Variants in MUC6 observed in about 807,000 individuals in gnomAD.
MUC6 encodes the protein mucin-6.
In MUC6, 188 loss-of-function variants were observed where a neutral mutation model predicts 201.5. That is an observed-to-expected ratio of 0.93 (90% CI 0.83 to 1.05). The LOEUF (loss-of-function observed/expected upper bound fraction) is 1.05. MUC6 is among the 50% of genes least tolerant of loss of function. The pLI is 0.00. For missense variants in MUC6, 2,706 were observed against 3,256.9 expected (o/e 0.83, Z 4.12); for synonymous variants, 1,228 against 1,389.4 (o/e 0.88, Z 2.58).
Position 1,015,826 on chromosome 11 carries a change from G to T in MUC6, c.6975C>A (p.Ala2325=), listed in dbSNP as rs558230540. ...GGGCAGAAGCAGGGGTGCTTCCATG[G>T]GCAGTGAGGGAGCTGGTCAGGAACC... ...TTRFLTSSLT[A]HGSTPASAPV... The change falls in exon 31 of 33, where the codon GCC becomes GCA. Residue 2325 remains alanine, a synonymous_variant. Coordinates refer to ENST00000421673, the MANE Select transcript of MUC6 (RefSeq NM_005961.3). 6.3e-7 allele frequency: 1 copy of T among 1,582,128 alleles called. No individual in the cohort carries two copies. Among genetic ancestry groups the T allele is most frequent in the South Asian group, 1.2e-5 (1 of 85,612 alleles).
At chr11:1,015,430 C>T (rs905230994) in intron 31 of MUC6, among the ~76,000 whole-genome samples, 7 of 152,160 alleles carry the variant, frequency 4.6e-5, no homozygotes, top group Non-Finnish European at 1.0e-4. Context: ...AAGGGGCAGC[C>T]AGGGAAGGCT....
At chr11:1,032,780 G>A (rs1421050570) in intron 2 of MUC6, among the ~76,000 whole-genome samples, 1 of 151,160 alleles carries the variant, frequency 6.6e-6, no homozygotes, top group Non-Finnish European at 1.5e-5. Context: ...GTGTGTGTGT[G>A]ACGTGTGCTC....
intron 31 of MUC6, among the ~76,000 whole-genome samples, chr11:1,015,297 A>G (rs549598764): frequency 6.6e-6 from 1 of 152,348 alleles, no homozygotes; most frequent in African/African-American, 2.4e-5. Context: ...TCCACCTTCA[A>G]CAGGTCCTTT....
chr11:1,031,790 G>T (rs774307866), intron 3 of MUC6, 23 bp downstream of exon 3: 1 of 1,568,890 alleles, frequency 6.4e-7, no homozygotes, highest in Non-Finnish European at 8.6e-7. Context: ...CCGAGCCCCC[G>T]GGCCCCGGCC....
chr11:1,020,877 C>T (rs1856791200), intron 27 of MUC6, 143 bp from the exon 28 acceptor site: 13 of 1,098,098 alleles, frequency 1.2e-5, no homozygotes, highest in Non-Finnish European at 1.6e-5. Flanking sequence ...CCCACCCTCC[C>T]CTCTCTCCCT....
Position 1,034,484 on chromosome 11 carries a change from G to A in MUC6, c.53-1409C>T, listed in dbSNP as rs570409235. ...CCAGGGATGATCCACAGGGCTCAGA[G>A]CACCTGCTGCAGGAGTGCGCAGCAC... On this transcript the variant is annotated intron_variant, in intron 1 of 32. Coordinates refer to ENST00000421673, the MANE Select transcript of MUC6 (RefSeq NM_005961.3). 1.3e-3 allele frequency among the ~76,000 whole-genome samples: 195 copies of A among 152,280 alleles called. 1 individual carries two copies. The highest frequency in any genetic ancestry group is 6.8e-3 in the Middle Eastern group (2 of 294).
rs368963628 is a variant in MUC6 at position 1,024,038 on chromosome 11, G to A, written c.3291C>T (p.Asp1097=). 1 of 1,611,036 alleles carries A rather than the reference G, an allele frequency of 6.2e-7. No homozygotes were observed. The highest frequency in any genetic ancestry group is 8.5e-7 in the Non-Finnish European group (1 of 1,179,316). The change falls in exon 25 of 33, where the codon GAC becomes GAT. Residue 1097 remains aspartate, a synonymous_variant. Transcript: ENST00000421673. The stretch of plus-strand genomic sequence containing the variant: ...CCACGGCATCGCACAGACACTCACA[G>A]TCCCCGCCACTGTCACACCCACATG... ...RDACGCDSGG[D]CECLCDAVAA...
rs2133838565 is a variant in MUC6 at position 1,033,354 on chromosome 11, G to A, written c.53-279C>T. 1.8e-6 allele frequency: 1 copy of A among 541,266 alleles called. No individual in the cohort carries two copies. Among genetic ancestry groups the A allele is most frequent in the Admixed American group, 3.1e-5 (1 of 32,234 alleles). 33.5% of individuals were successfully genotyped at this position (541,266 alleles called of 1,614,324 possible). A position where few individuals can be genotyped will look rare whatever the true frequency, so the allele number is the denominator to read the frequency against. ...TCAGCCCCTCGGGGTTCGGCAGATG[G>A]CGGGCACCCTGTGTGCAGGGTACTC... On this transcript the variant is annotated intron_variant, in intron 1 of 32. Transcript: ENST00000421673. This position sits in a 1 kb window ranked among gnomAD's most constrained non-coding sequence, Gnocchi z 5.6.
intron 1 of MUC6, among the ~76,000 whole-genome samples, chr11:1,034,985 C>T (rs936918433): frequency 1.4e-4 from 22 of 152,252 alleles, no homozygotes; most frequent in African/African-American, 5.1e-4. Flanking sequence ...ATCCCTTGGC[C>T]AGGCGCATGG....
At chr11:1,013,727 C>T in intron 32 of MUC6, 94 bp from the exon 33 acceptor site, 3 of 1,444,288 alleles carry the variant, frequency 2.1e-6, no homozygotes, top group Admixed American at 2.0e-5. Context: ...AGGCCTGGAC[C>T]TCCCCGCTGA....
intron 1 of MUC6, among the ~76,000 whole-genome samples, chr11:1,034,534 A>C (rs1590057416): frequency 1.3e-5 from 2 of 151,948 alleles, no homozygotes; most frequent in Admixed American, 6.5e-5. Flanking sequence ...CATGGAACTC[A>C]GTGGTTCCTG....
At position 1,013,616 on chromosome 11, in the gene MUC6, T is replaced by C; in HGVS notation, c.7160A>G (p.Gln2387Arg). ...ISAASFNIIT[Q>R]QVDARCSCCR... The stretch of plus-strand genomic sequence containing the variant: ...GCAGCTGCAGCGGGCATCCACCTGC[T>C]GGGTGATGATGTTGAAGCTGCCGAG... Residue 2387 changes from glutamine to arginine, a missense_variant, in exon 33 of 33, where the codon CAG (glutamine) becomes CGG (arginine). By Grantham distance (43) the Gln-to-Arg change is conservative. This residue lies in a region of MUC6 where 586 missense variants were observed against 488.0 expected (regional missense o/e 1.20). Coordinates refer to ENST00000421673, the MANE Select transcript of MUC6 (RefSeq NM_005961.3). 6.4e-7 allele frequency: 1 copy of C among 1,563,384 alleles called. No homozygotes were observed. Among genetic ancestry groups the C allele is most frequent in the Non-Finnish European group, 8.7e-7 (1 of 1,155,168 alleles).
At chr11:1,021,558 A>G (rs1229134373) in intron 26 of MUC6, among the ~76,000 whole-genome samples, 1 of 151,946 alleles carries the variant, frequency 6.6e-6, no homozygotes, top group Non-Finnish European at 1.5e-5. Flanking sequence ...TTTAGTAGTG[A>G]TGGGGCTTCG....
In MUC6 at chr11:1,016,381, A is replaced by C; in HGVS notation, c.6420T>G (p.Thr2140=). The change falls in exon 31 of 33, where the codon ACT becomes ACG. Residue 2140 remains threonine (T), a synonymous_variant. Transcript: ENST00000421673. ...SFSPSPSAPS[T]VSSYVPSSHS... ...GGGAGGAGGGCACATAAGAAGAAAC[A>C]GTAGAGGGGGCAGAAGGACTGGGAG... The C allele has an allele frequency of 1.6e-5, 26 of 1,612,894 alleles. No individual in the cohort carries two copies. Among genetic ancestry groups the C allele is most frequent in the Non-Finnish European group, 2.2e-5 (26 of 1,179,374 alleles).
In MUC6 at chr11:1,018,133, G is replaced by A. The variant is rs775560991; in HGVS notation, c.4668C>T (p.Thr1556=). 29 of 1,555,422 alleles carry A rather than the reference G, an allele frequency of 1.9e-5. No homozygotes were observed. The Admixed American group carries it at 2.5e-4, about 14-fold the overall frequency. Residue 1556 remains threonine, a synonymous_variant, in exon 31 of 33, where the codon ACC becomes ACT. Transcript: ENST00000421673. ...TGGCTGAGTTGGTGTGGGCCACAGG[G>A]GTTCTGGTGCGTGTACTAGTGGGGT... ...TPNPTSTRTR[T]PVAHTNSATS...
chr11:1,020,788 G>A, intron 27 of MUC6, 54 bp from the exon 28 acceptor site: 3 of 1,593,286 alleles, frequency 1.9e-6, no homozygotes, highest in Non-Finnish European at 2.6e-6. Flanking sequence ...CCCACCCCGT[G>A]GGGCCTCTGG....
Position 1,013,946 on chromosome 11 carries a change from C to G in MUC6, c.7095G>C (p.Ala2365=). ...CCTCACAGCGGGTTACCGTCACGTTCGCCATGCACCCCTTGAACGTGATCT... is the reference window on the plus strand; with the variant it reads ...CCTCACAGCGGGTTACCGTCACGTTGGCCATGCACCCCTTGAACGTGATCT... ...QEEITFKGCM[A]NVTVTRCEGA... is the part of the protein sequence containing the mutation. Residue 2365 remains alanine (A), a synonymous_variant, in exon 32 of 33, where the codon GCG becomes GCC. Coordinates refer to ENST00000421673, the MANE Select transcript of MUC6 (RefSeq NM_005961.3). 6.2e-7 allele frequency: 1 copy of G among 1,609,056 alleles called. No homozygotes were observed. Among genetic ancestry groups the G allele is most frequent in the Non-Finnish European group, 8.5e-7 (1 of 1,178,368 alleles).
Position 1,027,682 on chromosome 11 carries a change from C to T in MUC6, c.1981+3G>A, listed in dbSNP as rs1281866486. 3 of 1,596,554 alleles carry T rather than the reference C, an allele frequency of 1.9e-6. No homozygotes were observed. The highest frequency in any genetic ancestry group is 1.3e-5 in the African/African-American group (1 of 74,440). On this transcript the variant is annotated splice_donor_region_variant and intron_variant, in intron 16 of 32. Coordinates refer to ENST00000421673, the MANE Select transcript of MUC6 (RefSeq NM_005961.3). ...CCCCGCTTAAGCCCCGTCGGGCACT[C>T]ACTGCAGTTGTCCACACTGCTTCTC...
At chr11:1,013,746 C>G (rs2133809240) in intron 32 of MUC6, 113 bp from the exon 33 acceptor site, 1 of 1,404,716 alleles carries the variant, frequency 7.1e-7, no homozygotes, top group Non-Finnish European at 9.7e-7. Flanking sequence ...GAGCTCCCGG[C>G]TCACAGGGGC....
Sources: gnomAD v4.1 joint callset for allele counts (sites outside exome capture counted in the v4.1 genomes callset) on GRCh38, gnomAD v4.1.1 for gene constraint, gnomAD v4.1.1 regional missense constraint, Gnocchi (gnomAD v3.1) non-coding constraint, MANE v1.5 for transcripts, NCBI Gene and HGNC (gene_info 2026-07-23, HGNC 2026-07-21) for gene names.